Variants in TMEM132D observed in about 807,000 individuals in gnomAD.
TMEM132D encodes mature OL transmembrane protein.
TMEM132D carries 21 observed loss-of-function variants against 62.3 expected under a neutral mutation model. That is an observed-to-expected ratio of 0.34 (90% confidence interval 0.24 to 0.49). The LOEUF is 0.49. Ranked by LOEUF, TMEM132D falls within the 20% of genes least tolerant of loss-of-function variation. TMEM132D has a pLI of 0.99. For synonymous variants in TMEM132D, 621 were observed against 575.6 expected (o/e 1.08, Z -1.13); for missense variants, 1,346 against 1,402.8 (o/e 0.96, Z 0.65).
intron 1 of TMEM132D, among the ~76,000 whole-genome samples, chr12:129,711,653 G>C (rs1196056810): frequency 6.6e-6 from 1 of 150,994 alleles, no homozygotes; most frequent in African/African-American, 2.4e-5. Context: ...CTTCAACCCG[G>C]GAAGTGGAGG....
intron 2 of TMEM132D, among the ~76,000 whole-genome samples, chr12:129,650,099 A>G (rs1357342449): frequency 2.0e-5 from 3 of 152,174 alleles, no homozygotes; most frequent in Non-Finnish European, 2.9e-5. Context: ...GGTATTTTCT[A>G]TCCTAAACCT....
intron 3 of TMEM132D, among the ~76,000 whole-genome samples, chr12:129,466,108 A>T (rs1402437672): frequency 6.6e-6 from 1 of 151,830 alleles, no homozygotes; most frequent in Non-Finnish European, 1.5e-5. Context: ...AGCAAGAAGA[A>T]GTCATCACTA....
chr12:129,114,009 A>G (rs1486478129), intron 5 of TMEM132D, among the ~76,000 whole-genome samples: 2 of 151,954 alleles, frequency 1.3e-5, no homozygotes, highest in African/African-American at 4.8e-5. Flanking sequence ...GTGCCTGGAG[A>G]CCATTCATTT....
chr12:129,565,004 C>T (rs190160079), intron 2 of TMEM132D, among the ~76,000 whole-genome samples: 1 of 152,270 alleles, frequency 6.6e-6, no homozygotes, highest in East Asian at 1.9e-4. Flanking sequence ...CCTTAAGATG[C>T]CTAATTACTC....
chr12:129,598,062 C>A (rs1011334629), intron 2 of TMEM132D, among the ~76,000 whole-genome samples: 1 of 152,086 alleles, frequency 6.6e-6, no homozygotes, highest in South Asian at 2.1e-4. Context: ...ACAACAACAA[C>A]AACAAAAAAC....
chr12:129,667,674 C>G (rs1389498392), intron 2 of TMEM132D, among the ~76,000 whole-genome samples: 4 of 151,780 alleles, frequency 2.6e-5, no homozygotes, highest in Non-Finnish European at 4.4e-5. Flanking sequence ...TTTTTCTAAC[C>G]TAAACTCCTA....
At chr12:129,173,451 G>T (rs1443905409) in intron 5 of TMEM132D, among the ~76,000 whole-genome samples, 1 of 152,202 alleles carries the variant, frequency 6.6e-6, no homozygotes. Context: ...AACAGCCTCT[G>T]TCTAGCTGGC....
At chr12:129,345,786 C>T (rs2135664865) in intron 3 of TMEM132D, among the ~76,000 whole-genome samples, 1 of 152,264 alleles carries the variant, frequency 6.6e-6, no homozygotes, top group Middle Eastern at 3.4e-3. Flanking sequence ...AGGAATGAAG[C>T]CAACTTGATT....
At position 129,508,743 on chromosome 12, in the gene TMEM132D, C is replaced by CAAA. The variant is rs72379095; in HGVS notation, c.1115+22313_1115+22315dup. ...CACATACTGAATAAACTAAGAGTCTCAAAAAAAATCAATGAGTAATCACAT... is the reference window on the plus strand; with the variant it reads ...CACATACTGAATAAACTAAGAGTCTCAAAAAAAAAAATCAATGAGTAATCACAT... On this transcript the variant is annotated intron_variant, in intron 3 of 8. Transcript: ENST00000422113. 2.5e-4 allele frequency among the ~76,000 whole-genome samples: 38 copies of CAAA among 151,656 alleles called. No individual in the cohort carries two copies. The South Asian group carries it at 3.3e-3, about 13-fold the overall frequency.
intron 2 of TMEM132D, among the ~76,000 whole-genome samples, chr12:129,635,621 A>G (rs901984355): frequency 4.6e-5 from 7 of 152,188 alleles, no homozygotes; most frequent in African/African-American, 1.7e-4. Context: ...CCTTCATTTG[A>G]TGGTGGAGTG....
At chr12:129,237,240 A>G (rs1397675452) in intron 4 of TMEM132D, among the ~76,000 whole-genome samples, 2 of 152,160 alleles carry the variant, frequency 1.3e-5, no homozygotes. Flanking sequence ...AAAGTAAAAG[A>G]ATTCTTATTT....
chr12:129,209,416 GGGACCCAGAGGTCCCAGA>G, intron 5 of TMEM132D, 86 bp downstream of exon 5: 2 of 1,422,388 alleles, frequency 1.4e-6, no homozygotes, highest in Non-Finnish European at 1.9e-6. Context: ...GGGATCCTGT[GGGACCCAGAGGTCCCAGA>G]GGTCCCAGAG....
chr12:129,681,716 C>T (rs1212177056), intron 2 of TMEM132D: 3 of 152,256 alleles, frequency 2.0e-5, no homozygotes, highest in Non-Finnish European at 4.4e-5. Context: ...AGCAGGGGAT[C>T]AGAACCCACA....
intron 3 of TMEM132D, among the ~76,000 whole-genome samples, chr12:129,495,790 T>C (rs1301046855): frequency 2.6e-5 from 4 of 152,104 alleles, no homozygotes; most frequent in African/African-American, 9.7e-5. Context: ...GATGTCTCTA[T>C]CAGCGCCTGA....
chr12:129,552,554 C>T (rs1421248158), intron 2 of TMEM132D, among the ~76,000 whole-genome samples: 10 of 132,366 alleles, frequency 7.6e-5, no homozygotes, highest in Admixed American at 3.3e-4. Context: ...TATTATCTAT[C>T]GATCGATCTA....
At chr12:129,407,877 G>T (rs1271489809) in intron 3 of TMEM132D, among the ~76,000 whole-genome samples, 1 of 146,268 alleles carries the variant, frequency 6.8e-6, no homozygotes, top group African/African-American at 2.6e-5. Context: ...GCAACAGAGC[G>T]AGACTCCGAC....
intron 2 of TMEM132D, among the ~76,000 whole-genome samples, chr12:129,689,075 C>T (rs145140720): frequency 1.3e-5 from 2 of 152,276 alleles, no homozygotes; most frequent in East Asian, 1.9e-4. Flanking sequence ...AATGCACAGA[C>T]TATCCTCACA....
At chr12:129,569,540 G>A (rs1177699528) in intron 2 of TMEM132D, among the ~76,000 whole-genome samples, 1 of 152,100 alleles carries the variant, frequency 6.6e-6, no homozygotes, top group Non-Finnish European at 1.5e-5. Flanking sequence ...GCAAATAAAG[G>A]CATTTCTCCT....
chr12:129,663,794 A>C (rs1880305180), intron 2 of TMEM132D, among the ~76,000 whole-genome samples: 1 of 152,182 alleles, frequency 6.6e-6, no homozygotes, highest in Non-Finnish European at 1.5e-5. Flanking sequence ...CAATCCTTCT[A>C]TCCACCCTCC....
Sources: gnomAD v4.1 joint callset for allele counts (sites outside exome capture counted in the v4.1 genomes callset) on GRCh38, gnomAD v4.1.1 for gene constraint, MANE v1.5 for transcripts, NCBI Gene and HGNC (gene_info 2026-07-23, HGNC 2026-07-21) for gene names.